The following ROR1 variants were observed in gnomAD, a reference collection of about 807,000 sequenced individuals.
The protein encoded by ROR1 is inactive tyrosine-protein kinase transmembrane receptor ROR1.
In ROR1, 19 loss-of-function variants were observed where a neutral mutation model predicts 78.8. The ratio of observed to expected loss-of-function variants is 0.24; its 90% CI spans 0.17 to 0.35. The LOEUF (loss-of-function observed/expected upper bound fraction) is 0.35. Ranked by LOEUF, ROR1 falls within the 10% of genes least tolerant of loss-of-function variation. ROR1 has a pLI of 1.00. For synonymous variants in ROR1, 386 were observed against 433.6 expected, an observed-to-expected ratio of 0.89 and a Z score of 1.36; for missense variants, 917 against 1,177.8, an observed-to-expected ratio of 0.78 and a Z score of 3.24.
intron 1 of ROR1, among the ~76,000 whole-genome samples, chr1:63,920,542 C>G (rs1645645731): frequency 6.6e-6 from 1 of 152,128 alleles, no homozygotes; most frequent in Non-Finnish European, 1.5e-5. Context: ...CCATTCTCCA[C>G]CACCATGATT....
chr1:64,175,004 GTT>G lies in ROR1; in HGVS notation c.1387-2412_1387-2411del, dbSNP rs565910998. Among the ~76,000 whole-genome samples the G allele has an allele frequency of 5.6e-3, 773 of 138,918 alleles. 8 individuals are homozygous for G. The highest frequency in any genetic ancestry group is 0.018 in the African/African-American group (689 of 38,448). 91.1% of individuals were successfully genotyped at this position (138,918 alleles called of 152,430 possible). On this transcript the variant is annotated intron_variant, in intron 8 of 8. Coordinates refer to ENST00000371079, the MANE Select transcript of ROR1 (RefSeq NM_005012.4). ...AGTAAGATGGGAAGATTCGCCTATTGTTTTTTTTTTTTTAAAAAAATAGTTAT... is the reference window on the plus strand; with the variant it reads ...AGTAAGATGGGAAGATTCGCCTATTGTTTTTTTTTTTAAAAAAATAGTTAT...
At chr1:63,965,058 T>C (rs1646062422) in intron 1 of ROR1, among the ~76,000 whole-genome samples, 1 of 152,240 alleles carries the variant, frequency 6.6e-6, no homozygotes, top group South Asian at 2.1e-4. Flanking sequence ...GATTGTTTGT[T>C]GAACACTTTT....
intron 1 of ROR1, among the ~76,000 whole-genome samples, chr1:63,972,442 C>G (rs1276182232): frequency 2.0e-5 from 3 of 152,296 alleles, no homozygotes; most frequent in Non-Finnish European, 4.4e-5. Flanking sequence ...GTTTGTATCT[C>G]CCTGCAGTGC....
At chr1:63,974,058 T>C (rs1284242152) in intron 1 of ROR1, among the ~76,000 whole-genome samples, 1 of 152,232 alleles carries the variant, frequency 6.6e-6, no homozygotes, top group African/African-American at 2.4e-5. Flanking sequence ...AAAGGCTAAA[T>C]GTATTTAAAT....
chr1:64,044,922 A>C (rs376341141), intron 2 of ROR1, among the ~76,000 whole-genome samples: 4 of 152,162 alleles, frequency 2.6e-5, no homozygotes, highest in African/African-American at 9.7e-5. Flanking sequence ...TGAATTTTCT[A>C]TATTAGATAA....
chr1:64,159,203 C>T lies in ROR1; in HGVS notation c.1386+11C>T, dbSNP rs1161234402. ...GCATATAAACCCAAGGTAATGTTAG[C>T]AGTACAGAGCTACATTTGTTCCGTG... is the stretch of plus-strand genomic sequence containing the variant. On this transcript the variant is annotated intron_variant, in intron 8 of 8. Transcript: ENST00000371079. 2 of 1,589,496 alleles carry T rather than the reference C, an allele frequency of 1.3e-6. No homozygotes were observed. The highest frequency in any genetic ancestry group is 1.1e-5 in the South Asian group (1 of 90,532).
At chr1:63,959,873 C>T (rs971350631) in intron 1 of ROR1, among the ~76,000 whole-genome samples, 3 of 152,234 alleles carry the variant, frequency 2.0e-5, no homozygotes, top group African/African-American at 7.2e-5. Flanking sequence ...GCAGCCCCTT[C>T]AACCTGGAGT....
intron 1 of ROR1, among the ~76,000 whole-genome samples, chr1:63,838,597 T>C (rs1484913171): frequency 6.6e-6 from 1 of 151,966 alleles, no homozygotes; most frequent in Non-Finnish European, 1.5e-5. Context: ...TACAAAAGAG[T>C]CCAGAGTTAA....
chr1:64,021,030 T>TAA (rs35695263), intron 2 of ROR1, among the ~76,000 whole-genome samples: 314 of 147,742 alleles, frequency 2.1e-3, no homozygotes, highest in African/African-American at 4.5e-3. Context: ...CTTATTTGCT[T>TAA]AAAAAAAAAA....
At chr1:64,156,375 G>A (rs1364664592) in intron 7 of ROR1, among the ~76,000 whole-genome samples, 1 of 152,186 alleles carries the variant, frequency 6.6e-6, no homozygotes, top group South Asian at 2.1e-4. Context: ...GGTGCAACCA[G>A]CACTGACTAC....
In ROR1 at chr1:64,159,051, C is replaced by G; in HGVS notation, c.1245C>G (p.Pro415=). The G allele has an allele frequency of 6.2e-7, 1 of 1,613,872 alleles. No homozygotes were observed. Among genetic ancestry groups the G allele is most frequent in the Non-Finnish European group, 8.5e-7 (1 of 1,179,742 alleles). The change falls in exon 8 of 9, where the codon CCC becomes CCG. Residue 415 remains proline, a synonymous_variant. Coordinates refer to ENST00000371079, the MANE Select transcript of ROR1 (RefSeq NM_005012.4). ...LYILVPSVAI[P]LAIALLFFFI... ...TACTAGTGCCAAGTGTGGCCATTCC[C>G]CTGGCCATTGCTTTACTCTTCTTCT...
At chr1:63,977,756 C>T (rs1646173348) in intron 1 of ROR1, among the ~76,000 whole-genome samples, 1 of 152,158 alleles carries the variant, frequency 6.6e-6, no homozygotes, top group East Asian at 1.9e-4. Flanking sequence ...TCTGATGTTA[C>T]TTCAGGAAAT....
chr1:64,004,632 G>T (rs1259986191), intron 1 of ROR1, among the ~76,000 whole-genome samples: 1 of 152,218 alleles, frequency 6.6e-6, no homozygotes, highest in Non-Finnish European at 1.5e-5. Flanking sequence ...ACAGGATGTG[G>T]CATGGCTGGG....
chr1:64,145,856 ACAGG>A (rs2100716886), intron 7 of ROR1, among the ~76,000 whole-genome samples: 1 of 152,272 alleles, frequency 6.6e-6, no homozygotes, highest in Non-Finnish European at 1.5e-5. Context: ...TCATACTCTG[ACAGG>A]TATTATTAAC....
At chr1:64,172,268 C>T (rs545620078) in intron 8 of ROR1, among the ~76,000 whole-genome samples, 26 of 152,282 alleles carry the variant, frequency 1.7e-4, no homozygotes, top group African/African-American at 6.3e-4. Context: ...AAATGACTCG[C>T]ATCTAAAATG....
At chr1:63,814,272 A>G (rs1296435792) in intron 1 of ROR1, among the ~76,000 whole-genome samples, 1 of 152,146 alleles carries the variant, frequency 6.6e-6, no homozygotes, top group Non-Finnish European at 1.5e-5. Context: ...ACTCCTTAAA[A>G]CAGCTTCCAC....
chr1:63,789,522 T>C (rs993010564), intron 1 of ROR1, among the ~76,000 whole-genome samples: 16 of 152,018 alleles, frequency 1.1e-4, no homozygotes, highest in African/African-American at 3.9e-4. Flanking sequence ...AAGAGACTTA[T>C]GGTATCTAGA....
chr1:63,902,331 TTTTC>T (rs1203234382), intron 1 of ROR1, among the ~76,000 whole-genome samples: 1 of 151,908 alleles, frequency 6.6e-6, no homozygotes, highest in Admixed American at 6.6e-5. Flanking sequence ...GACCTTTTTT[TTTTC>T]TTTTAAGAGT....
At position 63,774,633 on chromosome 1, in the gene ROR1, C is replaced by A; in HGVS notation, c.91+125C>A. The A allele has an allele frequency of 2.7e-6, 1 of 376,434 alleles. No homozygotes were observed. Among genetic ancestry groups the A allele is most frequent in the Non-Finnish European group, 3.7e-6 (1 of 269,818 alleles). The allele number at this position is 376,434 out of a possible 1,614,324, so 23.3% of individuals were successfully genotyped here. ...TGGCTCCGGGGCGCGTCCGGCCACC[C>A]GCCACGGGGCTCGCCGGCGCCGCCA... On this transcript the variant is annotated intron_variant, in intron 1 of 8. Transcript: ENST00000371079. The surrounding 1 kb of genome is among the most constrained non-coding windows in gnomAD (Gnocchi z 5.7).
Sources: gnomAD v4.1 joint callset for allele counts (sites outside exome capture counted in the v4.1 genomes callset) on GRCh38, gnomAD v4.1.1 for gene constraint, Gnocchi (gnomAD v3.1) non-coding constraint, MANE v1.5 for transcripts, NCBI Gene and HGNC (gene_info 2026-07-23, HGNC 2026-07-21) for gene names.